The following ACTN1 variants were observed in gnomAD, a reference collection of about 807,000 sequenced individuals.
The protein encoded by ACTN1 is actinin alpha 1, also known as alpha-actinin-1.
Under a neutral mutation model 119.6 loss-of-function variants are expected in ACTN1, and 30 were observed. The ratio of observed to expected loss-of-function variants is 0.25; its 90% CI spans 0.19 to 0.34. The LOEUF (loss-of-function observed/expected upper bound fraction) is 0.34, where lower values mean the gene tolerates loss of function less well. Among genes scored for constraint, ACTN1 ranks in the 10% least tolerant of loss-of-function variants. The pLI, the probability that ACTN1 is intolerant of heterozygous loss-of-function variation, is 1.00. For synonymous variants in ACTN1, 429 were observed against 472.6 expected, an observed-to-expected ratio of 0.91 and a Z score of 1.20; for missense variants, 764 against 1,223.4, an observed-to-expected ratio of 0.62 and a Z score of 5.60.
At chr14:68,948,037 TCTGCAGGGGAAGCTGCTGCCACCCAA>T (rs1417424575) in intron 1 of ACTN1, among the ~76,000 whole-genome samples, 1 of 152,196 alleles carries the variant, frequency 6.6e-6, no homozygotes, top group East Asian at 1.9e-4. Flanking sequence ...GCAGTTTCCT[TCTGCAGGGGAAGCTGCTGCCACCCAA>T]CCAGACAACC....
intron 1 of ACTN1, among the ~76,000 whole-genome samples, chr14:68,950,281 T>C (rs1230589940): frequency 1.9e-5 from 2 of 104,116 alleles, no homozygotes; most frequent in African/African-American, 9.0e-5. Context: ...GGTGACAGAG[T>C]GAGTTGTTGT....
At chr14:68,974,737 C>T (rs147260365) in intron 1 of ACTN1, among the ~76,000 whole-genome samples, 125 of 152,290 alleles carry the variant, frequency 8.2e-4, no homozygotes, top group Non-Finnish European at 1.5e-3. Flanking sequence ...CATTTCCACA[C>T]TCTACACAGC....
rs764645934 is a variant in ACTN1, at chr14:68,912,145, C to T, written c.427+11G>A. 1.9e-5 allele frequency: 30 copies of T among 1,613,636 alleles called. No individual in the cohort carries two copies. The Admixed American group carries it at 3.2e-4, about 17-fold the overall frequency. Reference sequence around the variant, plus strand: ...ATGGTGATGGCGGGATGGAACAAAGCAGAAACCCACCTTCCACGGAGATGT... The same window carrying T: ...ATGGTGATGGCGGGATGGAACAAAGTAGAAACCCACCTTCCACGGAGATGT... On this transcript the variant is annotated intron_variant, in intron 4 of 21. Transcript: ENST00000394419.
At chr14:68,921,597 G>A (rs61981584) in intron 2 of ACTN1, among the ~76,000 whole-genome samples, 42,408 of 152,088 alleles carry the variant, frequency 0.28, 6,204 homozygotes, top group African/African-American at 0.31. Flanking sequence ...CTGAGGAGTG[G>A]TCAGGAAAGG....
chr14:68,906,775 G>A (rs1196831553), intron 6 of ACTN1, among the ~76,000 whole-genome samples: 1 of 152,116 alleles, frequency 6.6e-6, no homozygotes, highest in East Asian at 1.9e-4. Flanking sequence ...TGGTTCACTG[G>A]GCTCAGGTGT....
At chr14:68,977,976 T>C (rs1347720226) in intron 1 of ACTN1, 3 of 455,766 alleles carry the variant, frequency 6.6e-6, no homozygotes, top group South Asian at 4.6e-5. Flanking sequence ...AGCGGTAGGG[T>C]TGAGGCGCCC....
intron 4 of ACTN1, among the ~76,000 whole-genome samples, chr14:68,910,963 C>G (rs954487825): frequency 2.0e-5 from 3 of 152,206 alleles, no homozygotes; most frequent in Non-Finnish European, 4.4e-5. Flanking sequence ...CATTAAACCT[C>G]TTTTTATTTA....
intron 8 of ACTN1, among the ~76,000 whole-genome samples, chr14:68,901,222 TTTTTTGTTTTGTTTTG>T (rs2033298233): frequency 1.4e-4 from 20 of 147,426 alleles, no homozygotes; most frequent in Non-Finnish European, 4.5e-5. Context: ...TTTTTGTTTT[TTTTTTGTTTTGTTTTG>T]TTTTTGTTTT....
At chr14:68,918,502 C>T (rs929550289) in intron 3 of ACTN1, among the ~76,000 whole-genome samples, 3 of 34,936 alleles carry the variant, frequency 8.6e-5, no homozygotes, top group African/African-American at 1.3e-4. Context: ...AGGAGAATGG[C>T]GTCAAACTGG....
In ACTN1 at chr14:68,909,294, G is replaced by A. The variant is rs747640107; in HGVS notation, c.594+24C>T. 2.3e-5 allele frequency: 37 copies of A among 1,611,582 alleles called. No individual in the cohort carries two copies. Among genetic ancestry groups the A allele is most frequent in the African/African-American group, 1.2e-4 (9 of 74,864 alleles). On this transcript the variant is annotated intron_variant, in intron 6 of 21. Coordinates refer to ENST00000394419, the MANE Select transcript of ACTN1 (RefSeq NM_001130004.2). The surrounding 1 kb of genome is among the most constrained non-coding windows in gnomAD (Gnocchi z 4.1). The stretch of plus-strand genomic sequence containing the variant: ...ACCCCACCTGCCAGGGACCCAAAGC[G>A]GGTGGTCAGGTGGGCACACATACCT...
chr14:68,922,044 C>T (rs2034677593), intron 2 of ACTN1, among the ~76,000 whole-genome samples: 1 of 152,210 alleles, frequency 6.6e-6, no homozygotes, highest in South Asian at 2.1e-4. Flanking sequence ...CTAAGTGCAG[C>T]ATAGAGCCAT....
At chr14:68,935,279 C>T (rs544022246) in intron 1 of ACTN1, among the ~76,000 whole-genome samples, 15 of 152,068 alleles carry the variant, frequency 9.9e-5, no homozygotes, top group Middle Eastern at 3.4e-3. Context: ...CTGCCTCTGC[C>T]TCCCAAAATG....
At chr14:68,930,584 G>A (rs1336104153) in intron 1 of ACTN1, among the ~76,000 whole-genome samples, 10 of 152,122 alleles carry the variant, frequency 6.6e-5, no homozygotes, top group South Asian at 4.1e-4. Flanking sequence ...GGATTCACTC[G>A]GATCACTCTG....
intron 3 of ACTN1, among the ~76,000 whole-genome samples, chr14:68,917,509 G>A (rs1371825245): frequency 6.6e-6 from 1 of 152,164 alleles, no homozygotes; most frequent in African/African-American, 2.4e-5. Context: ...ACGTTCCCCC[G>A]CTCCCCTTCC....
chr14:68,945,924 A>G (rs1481692674), intron 1 of ACTN1, among the ~76,000 whole-genome samples: 1 of 152,166 alleles, frequency 6.6e-6, no homozygotes, highest in African/African-American at 2.4e-5. Flanking sequence ...ACCAGTGTCA[A>G]CCCAATCAAT....
rs572676612 is a variant in ACTN1, at chr14:68,901,619, C to A, written c.762+858G>T. ...GAGATCTGCATGAGACGTGAAGATT[C>A]TGTGGTCATGGTGATGTTGTGCTTC... On this transcript the variant is annotated intron_variant, in intron 8 of 21. Transcript: ENST00000394419. Among the ~76,000 whole-genome samples the A allele has an allele frequency of 2.6e-5, 4 of 152,008 alleles. No homozygotes were observed. In the South Asian group the frequency reaches 8.3e-4, roughly 32 times the overall value.
intron 1 of ACTN1, among the ~76,000 whole-genome samples, chr14:68,959,372 C>A (rs944285750): frequency 1.3e-5 from 2 of 152,170 alleles, no homozygotes; most frequent in Admixed American, 6.5e-5. Flanking sequence ...CTGTGTGTTC[C>A]ATGAAACTAA....
chr14:68,890,002 C>T, intron 11 of ACTN1, 137 bp downstream of exon 11: 2 of 1,328,452 alleles, frequency 1.5e-6, no homozygotes, highest in Non-Finnish European at 2.0e-6. Flanking sequence ...GGCTAATGAA[C>T]TTGCCTAAAG....
intron 9 of ACTN1, among the ~76,000 whole-genome samples, chr14:68,892,556 T>C (rs1261128323): frequency 6.6e-6 from 1 of 152,134 alleles, no homozygotes; most frequent in Non-Finnish European, 1.5e-5. Context: ...GGAAGACCCA[T>C]AGACCTGGTG....
Sources: gnomAD v4.1 joint callset for allele counts (sites outside exome capture counted in the v4.1 genomes callset) on GRCh38, gnomAD v4.1.1 for gene constraint, Gnocchi (gnomAD v3.1) non-coding constraint, MANE v1.5 for transcripts, NCBI Gene and HGNC (gene_info 2026-07-23, HGNC 2026-07-21) for gene names.